PTPN14: variants seen among roughly 807,000 people sequenced by gnomAD.
PTPN14 encodes the protein protein tyrosine phosphatase non-receptor type 14, also known as tyrosine-protein phosphatase non-receptor type 14.
A neutral mutation model predicts 126.8 loss-of-function variants in PTPN14; 53 were observed. The ratio of observed to expected loss-of-function variants is 0.42; its 90% CI spans 0.34 to 0.53. The LOEUF (loss-of-function observed/expected upper bound fraction) is 0.53. PTPN14 is among the 20% of genes least tolerant of loss of function. The pLI is 0.08. For missense variants in PTPN14, 1,257 were observed against 1,552.9 expected (o/e 0.81, Z 3.20); for synonymous variants, 630 against 599.3 (o/e 1.05, Z -0.75).
In PTPN14 at chr1:214,551,195, C is replaced by T. The variant is rs1206719910; in HGVS notation, c.-167G>A. The T allele has an allele frequency of 6.6e-6, 1 of 152,348 alleles. No homozygotes were observed. The highest frequency in any genetic ancestry group is 1.5e-5 in the Non-Finnish European group (1 of 68,128). The allele number at this position is 152,348 out of a possible 1,614,324, so 9.4% of individuals were successfully genotyped here. The stretch of plus-strand genomic sequence containing the variant: ...GGACGGGGCTTACCTGCTTACATGG[C>T]CCCCGTGGCGCCCCGGAGTCCCGCG... On this transcript the variant is annotated 5_prime_UTR_variant, in exon 1 of 19. Transcript: ENST00000366956.
intron 1 of PTPN14, among the ~76,000 whole-genome samples, chr1:214,471,793 T>G (rs1660764758): frequency 6.6e-6 from 1 of 152,318 alleles, no homozygotes; most frequent in Admixed American, 6.5e-5. Flanking sequence ...GGAGAGAATC[T>G]TAGACTAAAT....
intron 3 of PTPN14, among the ~76,000 whole-genome samples, chr1:214,436,248 T>A (rs1345008896): frequency 1.3e-5 from 2 of 152,056 alleles, no homozygotes; most frequent in Non-Finnish European, 2.9e-5. Flanking sequence ...TACTTGAGGA[T>A]GGAGGGTGAG....
At chr1:214,424,546 T>C (rs965586985) in intron 3 of PTPN14, among the ~76,000 whole-genome samples, 4 of 150,642 alleles carry the variant, frequency 2.7e-5, no homozygotes, top group African/African-American at 9.8e-5. Flanking sequence ...TTTTTTTTTT[T>C]AGACAGAGTC....
chr1:214,531,542 A>ACACACACACACAC (rs1655548737), intron 1 of PTPN14: 2 of 149,128 alleles, frequency 1.3e-5, no homozygotes, highest in African/African-American at 2.5e-5. Context: ...ACACACACAC[A>ACACACACACACAC]TTCTCTGCCT....
intron 3 of PTPN14, among the ~76,000 whole-genome samples, chr1:214,416,395 T>A (rs17022875): frequency 0.013 from 1,975 of 152,356 alleles, 52 homozygotes; most frequent in African/African-American, 0.044. Flanking sequence ...CTTTGGGAGT[T>A]GACCAGTAAC....
chr1:214,426,555 GT>G (rs1659668745), intron 3 of PTPN14, among the ~76,000 whole-genome samples: 1 of 151,862 alleles, frequency 6.6e-6, no homozygotes, highest in South Asian at 2.1e-4. Context: ...GATGGCCAAA[GT>G]GACAAGTAAC....
chr1:214,450,711 T>C (rs1312352111), intron 3 of PTPN14, among the ~76,000 whole-genome samples: 1 of 152,298 alleles, frequency 6.6e-6, no homozygotes, highest in Admixed American at 6.5e-5. Context: ...TGATTCCTTT[T>C]CCTACCAGAA....
intron 10 of PTPN14, 80 bp from the exon 11 acceptor site, chr1:214,391,125 G>T: frequency 2.1e-6 from 2 of 935,940 alleles, no homozygotes; most frequent in Non-Finnish European, 3.1e-6. Flanking sequence ...AGGAGAGGAA[G>T]AGAATAAACA....
At chr1:214,444,432 C>T (rs921066174) in intron 3 of PTPN14, among the ~76,000 whole-genome samples, 5 of 152,272 alleles carry the variant, frequency 3.3e-5, no homozygotes, top group African/African-American at 1.2e-4. Flanking sequence ...CCCTGTATCC[C>T]AGCCCACGGG....
At chr1:214,453,504 C>T (rs934451923) in intron 2 of PTPN14, among the ~76,000 whole-genome samples, 1 of 152,210 alleles carries the variant, frequency 6.6e-6, no homozygotes, top group South Asian at 2.1e-4. Context: ...CTTTTGCCCA[C>T]AGGCTCTGAG....
rs1405971942 is a variant in PTPN14 at position 214,350,221 on chromosome 1, C to T, written c.*7701G>A. ...TCTGGGCAGCCCAAAGGTTTACCAC[C>T]TGTTTCACTAGAATGGCCAGTCTGT... On this transcript the variant is annotated 3_prime_UTR_variant, in exon 19 of 19. Transcript: ENST00000366956. The T allele has an allele frequency of 6.6e-6, 1 of 152,160 alleles. No individual in the cohort carries two copies. The highest frequency in any genetic ancestry group is 1.5e-5 in the Non-Finnish European group (1 of 68,036). 9.4% of individuals were successfully genotyped at this position (152,160 alleles called of 1,614,324 possible).
chr1:214,473,614 A>AT (rs1660808071), intron 1 of PTPN14, among the ~76,000 whole-genome samples: 1 of 152,230 alleles, frequency 6.6e-6, no homozygotes, highest in Non-Finnish European at 1.5e-5. Flanking sequence ...TGAGGGTGTA[A>AT]GAAAGGAAAA....
intron 11 of PTPN14, among the ~76,000 whole-genome samples, 186 bp downstream of exon 11, chr1:214,390,802 G>T (rs1658731378): frequency 1.3e-5 from 2 of 152,172 alleles, no homozygotes; most frequent in African/African-American, 4.8e-5. Flanking sequence ...TTAGAGTAGT[G>T]GTGGGCATGG....
In PTPN14 at chr1:214,376,435, G is replaced by C; in HGVS notation, c.2691C>G (p.Phe897Leu). Residue 897 changes from phenylalanine (F) to leucine (L), a missense_variant and splice_region_variant, in exon 15 of 19, where the codon TTC becomes TTG. Phe to Leu is a conservative substitution (Grantham distance 22, BLOSUM62 0). This residue lies in a region of PTPN14 where 1,021 missense variants were observed against 1,183.3 expected (regional missense o/e 0.86). Coordinates refer to ENST00000366956, the MANE Select transcript of PTPN14 (RefSeq NM_005401.5). ...DATRVPMDERFRTLKKKLEEG... is the reference protein window; with the variant it reads ...DATRVPMDERLRTLKKKLEEG... The stretch of plus-strand genomic sequence containing the variant: ...CTTCTAGTTTCTTCTTCAGGGTTCT[G>C]AACTGCAACAGAAATTGATCTTCAG... 1 of 1,608,480 alleles carries C rather than the reference G, an allele frequency of 6.2e-7. No homozygotes were observed. Among genetic ancestry groups the C allele is most frequent in the East Asian group, 2.2e-5 (1 of 44,836 alleles).
intron 1 of PTPN14, among the ~76,000 whole-genome samples, chr1:214,495,552 C>T (rs1409248049): frequency 6.6e-6 from 1 of 152,034 alleles, no homozygotes; most frequent in Non-Finnish European, 1.5e-5. Context: ...AAATAGTGTT[C>T]CAATTAATCC....
At chr1:214,510,974 C>T (rs1654958377) in intron 1 of PTPN14, among the ~76,000 whole-genome samples, 2 of 152,052 alleles carry the variant, frequency 1.3e-5, no homozygotes, top group South Asian at 4.1e-4. Context: ...AACTGCTGGG[C>T]TCAAGCAAGT....
chr1:214,428,671 A>G (rs1220004043), intron 3 of PTPN14, among the ~76,000 whole-genome samples: 1 of 152,224 alleles, frequency 6.6e-6, no homozygotes, highest in Non-Finnish European at 1.5e-5. Flanking sequence ...TGGCAAAGAG[A>G]CCATGTAGTA....
intron 14 of PTPN14, 139 bp downstream of exon 14, chr1:214,377,820 T>A (rs1445819919): frequency 1.2e-5 from 13 of 1,097,388 alleles, no homozygotes; most frequent in Non-Finnish European, 1.6e-5. Flanking sequence ...TGCAACACAG[T>A]TATACCTGAT....
At chr1:214,367,012 T>C (rs1245292289) in intron 17 of PTPN14, among the ~76,000 whole-genome samples, 3 of 152,082 alleles carry the variant, frequency 2.0e-5, no homozygotes, top group Non-Finnish European at 4.4e-5. Context: ...ACTATGTCTT[T>C]TTTGGTAATT....
Sources: gnomAD v4.1 joint callset for allele counts (sites outside exome capture counted in the v4.1 genomes callset) on GRCh38, gnomAD v4.1.1 for gene constraint, gnomAD v4.1.1 regional missense constraint, MANE v1.5 for transcripts, NCBI Gene and HGNC (gene_info 2026-07-23, HGNC 2026-07-21) for gene names.